The following MYH3 variants were observed in gnomAD, a reference collection of about 807,000 sequenced individuals.
MYH3 encodes myosin-3.
A neutral mutation model predicts 238.0 loss-of-function variants in MYH3; 130 were observed. That is an observed-to-expected ratio of 0.55 (90% CI 0.47 to 0.63). The LOEUF is 0.63. MYH3 is among the 30% of genes least tolerant of loss of function. The probability of loss-of-function intolerance (pLI) is 0.00; values close to 1 mark genes in which losing one functional copy is unlikely to be tolerated. For missense variants in MYH3, 1,853 were observed against 2,374.9 expected, an observed-to-expected ratio of 0.78 and a Z score of 4.57; for synonymous variants, 880 against 924.1, an observed-to-expected ratio of 0.95 and a Z score of 0.86.
the MYH3 span, among the ~76,000 whole-genome samples, chr17:10,668,963 A>G: frequency 0.21 from 31,652 of 152,140 alleles, 3,485 homozygotes; most frequent in Non-Finnish European, 0.25. Flanking sequence ...TGTGTATATT[A>G]CAAATATTTT....
rs902244745 is a variant in MYH3 at position 10,632,459 on chromosome 17, G to A, written c.4956+17C>T. The A allele has an allele frequency of 2.3e-5, 37 of 1,610,874 alleles. 1 individual carries two copies. Among genetic ancestry groups the A allele is most frequent in the Non-Finnish European group, 3.0e-5 (35 of 1,179,734 alleles). ...GTGAGGAGGAGAGAGGTTTTTCCCCGATGGGTTCTCTCAAACCTTCAGCTG... is the reference window on the plus strand; with the variant it reads ...GTGAGGAGGAGAGAGGTTTTTCCCCAATGGGTTCTCTCAAACCTTCAGCTG... On this transcript the variant is annotated intron_variant, in intron 34 of 40. Transcript: ENST00000583535.
At chr17:10,653,169 G>A (rs1245903360) in intron 3 of MYH3, among the ~76,000 whole-genome samples, 2 of 152,180 alleles carry the variant, frequency 1.3e-5, no homozygotes, top group East Asian at 3.9e-4. Flanking sequence ...GTGGATATGG[G>A]TGATGGTGGC....
Position 10,653,982 on chromosome 17 carries a change from G to A in MYH3, c.204+879C>T, listed in dbSNP as rs555128036. Reference sequence around the variant, plus strand: ...GCGGTTCTTATTTTTTGGGGGGACCGAGTCTTGCTCTGTCTCCCAGGCTGG... The same window carrying A: ...GCGGTTCTTATTTTTTGGGGGGACCAAGTCTTGCTCTGTCTCCCAGGCTGG... On this transcript the variant is annotated intron_variant, in intron 3 of 40. Transcript: ENST00000583535. Among the ~76,000 whole-genome samples, 8 of 152,080 alleles carry A rather than the reference G, an allele frequency of 5.3e-5. No homozygotes were observed. The Middle Eastern group carries it at 0.01, about 194-fold the overall frequency.
intron 12 of MYH3, 22 bp downstream of exon 12, chr17:10,645,685 T>C (rs2074314347): frequency 6.2e-7 from 1 of 1,611,866 alleles, no homozygotes; most frequent in African/African-American, 1.3e-5. Flanking sequence ...CGCTCTGGTT[T>C]GCTGTCACAC....
At position 10,642,878 on chromosome 17, in the gene MYH3, G is replaced by A. The variant is rs1182023838; in HGVS notation, c.1529C>T (p.Thr510Met). 2.2e-5 allele frequency: 36 copies of A among 1,614,056 alleles called. No individual in the cohort carries two copies. Among genetic ancestry groups the A allele is most frequent in the Non-Finnish European group, 2.5e-5 (30 of 1,180,030 alleles). ...CAGGTCCATCCCGAAGTCAATGAAC[G>A]TCCACTCGATGCCTTCCTTCTTGTA... Reference protein sequence around the residue: ...EEYKKEGIEWTFIDFGMDLAA... With the variant: ...EEYKKEGIEWMFIDFGMDLAA... Residue 510 changes from threonine (T) to methionine (M), a missense_variant, in exon 15 of 41, where the codon ACG (threonine) becomes ATG (methionine). This residue lies in a region of MYH3 where 678 missense variants were observed against 1,058.9 expected (regional missense o/e 0.64). Transcript: ENST00000583535. The surrounding 1 kb of genome is among the most constrained non-coding windows in gnomAD (Gnocchi z 5.4).
chr17:10,637,786 CG>C, intron 28 of MYH3, 22 bp downstream of exon 28: 1 of 1,613,738 alleles, frequency 6.2e-7, no homozygotes, highest in Non-Finnish European at 8.5e-7. Flanking sequence ...TTTGGCCCCA[CG>C]GGTTTTCTGC....
At position 10,635,441 on chromosome 17, in the gene MYH3, A is replaced by G. The variant is rs138944611; in HGVS notation, c.4098T>C (p.Asn1366=). Residue 1366 remains asparagine, a synonymous_variant, in exon 30 of 41, where the codon AAT becomes AAC. Coordinates refer to ENST00000583535, the MANE Select transcript of MYH3 (RefSeq NM_002470.4). Reference sequence around the variant, plus strand: ...TGGTTCTCCACTGGGCAACCTCACTATTGGCCTTGGACAGCGCCCTCTGCA... The same window carrying G: ...TGGTTCTCCACTGGGCAACCTCACTGTTGGCCTTGGACAGCGCCCTCTGCA... ...AELQRALSKA[N]SEVAQWRTKY... The G allele has an allele frequency of 5.1e-4, 819 of 1,614,040 alleles. 4 individuals are homozygous for G. In the African/African-American group the frequency reaches 9.1e-3, roughly 18 times the overall value.
At chr17:10,655,426 G>T (rs2074418538) in intron 2 of MYH3, among the ~76,000 whole-genome samples, 1 of 152,162 alleles carries the variant, frequency 6.6e-6, no homozygotes, top group African/African-American at 2.4e-5. Context: ...GTTGCTGAGG[G>T]AACGTTTAAA....
chr17:10,642,708 A>G lies in MYH3; in HGVS notation c.1597T>C (p.Ser533Pro). Residue 533 changes from serine (S) to proline (P), a missense_variant, in exon 16 of 41, where the codon TCC (serine) becomes CCC (proline). Physicochemically the swap from Ser to Pro is moderately conservative, Grantham distance 74 (BLOSUM62 -1). This residue lies in a region of MYH3 where 678 missense variants were observed against 1,058.9 expected (regional missense o/e 0.64). Transcript: ENST00000583535. The surrounding 1 kb of genome is among the most constrained non-coding windows in gnomAD (Gnocchi z 5.4). ...AACATGCACTCCTCTTCCAGGATGG[A>G]GAAGATGCCCATAGGCTGGATTGAA... ...ELIEKPMGIF[S>P]ILEEECMFPK... 6.2e-7 allele frequency: 1 copy of G among 1,614,182 alleles called. No individual in the cohort carries two copies. The highest frequency in any genetic ancestry group is 8.5e-7 in the Non-Finnish European group (1 of 1,180,036).
Position 10,639,112 on chromosome 17 carries a change from C to T in MYH3, c.3180G>A (p.Leu1060=), listed in dbSNP as rs1322720010. The stretch of plus-strand genomic sequence containing the variant: ...CTAATATGGACTCTTGAGCAAGCTT[C>T]AAGTCTCCTTCCAATTTCCTTTTGT... ...ERNKRKLEGD[L]KLAQESILDL... The change falls in exon 25 of 41, where the codon TTG becomes TTA. Residue 1060 remains leucine, a synonymous_variant. Transcript: ENST00000583535. 3 of 1,614,202 alleles carry T rather than the reference C, an allele frequency of 1.9e-6. No individual in the cohort carries two copies. Among genetic ancestry groups the T allele is most frequent in the Non-Finnish European group, 1.7e-6 (2 of 1,180,028 alleles).
intron 8 of MYH3, among the ~76,000 whole-genome samples, chr17:10,648,116 GTC>G (rs2074341184): frequency 6.6e-6 from 1 of 152,028 alleles, no homozygotes; most frequent in African/African-American, 2.4e-5. Context: ...ACATGACCAG[GTC>G]TCTCTCTCTT....
intron 4 of MYH3, chr17:10,652,017 G>T: frequency 2.6e-6 from 1 of 385,734 alleles, no homozygotes; most frequent in Non-Finnish European, 4.9e-6. Flanking sequence ...CTGGGATTAC[G>T]GGCGTGAGCC....
In MYH3 at chr17:10,650,391, G is replaced by A. The variant is rs1379348602; in HGVS notation, c.516C>T (p.Asn172=). The A allele has an allele frequency of 1.6e-5, 26 of 1,612,682 alleles. No individual in the cohort carries two copies. The highest frequency in any genetic ancestry group is 2.1e-5 in the Non-Finnish European group (25 of 1,178,896). ...AYQFMLTDRE[N]QSILITGESG... ...ATACTTACGTGATCAGAATGGACTGGTTTTCACGATCTGCCAGAGGAAAAA... is the reference window on the plus strand; with the variant it reads ...ATACTTACGTGATCAGAATGGACTGATTTTCACGATCTGCCAGAGGAAAAA... Residue 172 remains asparagine, a synonymous_variant, in exon 6 of 41, where the codon AAC becomes AAT. Transcript: ENST00000583535.
Position 10,635,423 on chromosome 17 carries a change from C to G in MYH3, c.4116G>C (p.Trp1372Cys). 1.2e-6 allele frequency: 2 copies of G among 1,614,064 alleles called. No homozygotes were observed. The highest frequency in any genetic ancestry group is 1.7e-6 in the Non-Finnish European group (2 of 1,179,900). The change falls in exon 30 of 41, where the codon TGG becomes TGC. Residue 1372 changes from tryptophan to cysteine, a missense_variant. Physicochemically the swap from Trp to Cys is radical, Grantham distance 215 (BLOSUM62 -2). This residue lies in a region of MYH3 where 1,044 missense variants were observed against 1,192.6 expected (regional missense o/e 0.88). Transcript: ENST00000583535. The stretch of plus-strand genomic sequence containing the variant: ...TGGCGTCCGTCTCGTATTTGGTTCT[C>G]CACTGGGCAACCTCACTATTGGCCT... The part of the protein sequence containing the change: ...LSKANSEVAQ[W>C]RTKYETDAIQ...
At position 10,642,751 on chromosome 17, in the gene MYH3, A is replaced by G. The variant is rs1338145552; in HGVS notation, c.1582-28T>C. 6 of 1,614,204 alleles carry G rather than the reference A, an allele frequency of 3.7e-6. No homozygotes were observed. The Admixed American group carries it at 1.0e-4, about 27-fold the overall frequency. On this transcript the variant is annotated intron_variant, in intron 15 of 40. Coordinates refer to ENST00000583535, the MANE Select transcript of MYH3 (RefSeq NM_002470.4). The surrounding 1 kb of genome is among the most constrained non-coding windows in gnomAD (Gnocchi z 5.4). ...GGATTGAAGGCAAGGCAAAGTGCAG[A>G]GAGGTAAATATGAGCTGCAGTAATG... is the stretch of plus-strand genomic sequence containing the variant.
the MYH3 span, among the ~76,000 whole-genome samples, chr17:10,663,126 TAA>T: frequency 1.3e-5 from 2 of 151,824 alleles, no homozygotes; most frequent in African/African-American, 4.8e-5. Flanking sequence ...TGAAATAAAA[TAA>T]AATAAAATAA....
rs769402735 is a variant in MYH3 at position 10,639,067 on chromosome 17, T to C, written c.3225A>G (p.Gln1075=). 2 of 1,614,246 alleles carry C rather than the reference T, an allele frequency of 1.2e-6. No individual in the cohort carries two copies. The highest frequency in any genetic ancestry group is 1.7e-6 in the Non-Finnish European group (2 of 1,180,040). ...ACTTCTTGAGCCTTTCGTCCAGCTG[T>C]TGCTTGTCATTCTCCAGATCTAATA... ...ESILDLENDK[Q]QLDERLKKKD... Residue 1075 remains glutamine (Q), a synonymous_variant, in exon 25 of 41, where the codon CAA becomes CAG. Transcript: ENST00000583535.
chr17:10,632,011 C>A lies in MYH3; in HGVS notation c.4962G>T (p.Thr1654=), dbSNP rs147973323. The change falls in exon 35 of 41, where the codon ACG becomes ACT. Residue 1654 remains threonine, a synonymous_variant. Coordinates refer to ENST00000583535, the MANE Select transcript of MYH3 (RefSeq NM_002470.4). ...LRSVQGQLKD[T]QLHLDDALRG... is the part of the protein sequence containing the mutation. ...GGAGGGCATCATCCAGGTGGAGCTG[C>A]GTATCCTAGCCAGAGAAAAACGAAC... 1.9e-6 allele frequency: 3 copies of A among 1,613,362 alleles called. No individual in the cohort carries two copies. Among genetic ancestry groups the A allele is most frequent in the Non-Finnish European group, 2.5e-6 (3 of 1,180,044 alleles).
At chr17:10,671,923 C>T in the MYH3 span, among the ~76,000 whole-genome samples, 7 of 152,110 alleles carry the variant, frequency 4.6e-5, no homozygotes, top group African/African-American at 1.7e-4. Flanking sequence ...CTTTTATTTC[C>T]TTATGAATTT....
Sources: allele counts gnomAD v4.1 joint callset (sites outside exome capture counted in the v4.1 genomes callset), GRCh38; gene constraint gnomAD v4.1.1; regional missense constraint gnomAD v4.1.1; non-coding constraint Gnocchi (gnomAD v3.1); transcripts MANE v1.5; gene names NCBI Gene and HGNC (gene_info 2026-07-23, HGNC 2026-07-21).